DCP2: variants seen among roughly 807,000 people sequenced by gnomAD.
DCP2 encodes the protein decapping mRNA 2.
Under a neutral mutation model 56.1 loss-of-function variants are expected in DCP2, and 30 were observed. The observed-to-expected ratio is 0.53, with a 90% CI of 0.40 to 0.73. DCP2 has a LOEUF of 0.73. Ranked by LOEUF, DCP2 falls within the 30% of genes least tolerant of loss-of-function variation. The pLI, the probability that DCP2 is intolerant of heterozygous loss-of-function variation, is 0.00. For synonymous variants in DCP2, 197 were observed against 163.3 expected, an observed-to-expected ratio of 1.21 and a Z score of -1.57; for missense variants, 533 against 502.7, an observed-to-expected ratio of 1.06 and a Z score of -0.58.
At chr5:112,984,703 A>AAAAAAAAATATATATAT in intron 1 of DCP2, 1 of 64,858 alleles carries the variant, frequency 1.5e-5, no homozygotes, top group African/African-American at 7.9e-5. Flanking sequence ...AAAAAAAAAA[A>AAAAAAAAATATATATAT]ATATATATAT....
intron 8 of DCP2, among the ~76,000 whole-genome samples, chr5:113,006,803 C>T (rs888100751): frequency 5.3e-5 from 8 of 152,054 alleles, no homozygotes; most frequent in Non-Finnish European, 1.2e-4. Context: ...CAAACTATTG[C>T]ATGTCTAAGT....
At chr5:112,977,561 T>C (rs1431940854) in intron 1 of DCP2, among the ~76,000 whole-genome samples, 1 of 152,186 alleles carries the variant, frequency 6.6e-6, no homozygotes, top group Non-Finnish European at 1.5e-5. Flanking sequence ...CCTGGACTTG[T>C]CTTTGGGGGA....
At chr5:112,980,914 C>T (rs539235332) in intron 1 of DCP2, among the ~76,000 whole-genome samples, 7 of 152,026 alleles carry the variant, frequency 4.6e-5, no homozygotes, top group Admixed American at 2.6e-4. Context: ...GGTTCAATTT[C>T]GTAGATACTA....
chr5:112,987,747 T>A (rs186047098), intron 2 of DCP2, among the ~76,000 whole-genome samples: 2 of 151,628 alleles, frequency 1.3e-5, no homozygotes, highest in East Asian at 3.9e-4. Flanking sequence ...GTGCTGGGAT[T>A]ACAGGTATGA....
At chr5:112,987,803 T>C (rs921804303) in intron 2 of DCP2, among the ~76,000 whole-genome samples, 29 of 151,716 alleles carry the variant, frequency 1.9e-4, no homozygotes, top group African/African-American at 6.1e-4. Flanking sequence ...CTTTTTTTTT[T>C]CTCTCCTTTT....
At chr5:113,009,274 T>A (rs545082084) in intron 9 of DCP2, among the ~76,000 whole-genome samples, 2 of 152,372 alleles carry the variant, frequency 1.3e-5, no homozygotes, top group South Asian at 4.1e-4. Flanking sequence ...CTCACATTTG[T>A]CTAGAAGAAC....
chr5:113,010,321 C>T (rs539194509), intron 9 of DCP2, among the ~76,000 whole-genome samples: 1 of 151,098 alleles, frequency 6.6e-6, no homozygotes, highest in Admixed American at 6.6e-5. Flanking sequence ...GCTGGGATTA[C>T]AGCTGTGAGC....
intron 7 of DCP2, among the ~76,000 whole-genome samples, chr5:113,003,714 A>AGT (rs1749285521): frequency 6.6e-6 from 1 of 152,194 alleles, no homozygotes; most frequent in Non-Finnish European, 1.5e-5. Flanking sequence ...AAAAAATAGT[A>AGT]GTGTATTAAT....
chr5:113,010,565 A>C (rs543025743), intron 9 of DCP2, among the ~76,000 whole-genome samples, 191 bp from the exon 10 acceptor site: 1 of 152,302 alleles, frequency 6.6e-6, no homozygotes, highest in East Asian at 1.9e-4. Context: ...AAGAACTAAA[A>C]AAAATTTTAG....
chr5:112,978,857 A>G lies in DCP2; in HGVS notation c.53+1871A>G, dbSNP rs1747857863. On this transcript the variant is annotated intron_variant, in intron 1 of 10. Coordinates refer to ENST00000389063, the MANE Select transcript of DCP2 (RefSeq NM_152624.6). ...TTGAAGATAAGTATTTAGAAAGGTGATCAGTAATTAGCTGTGTGTTAATAG... is the reference window on the plus strand; with the variant it reads ...TTGAAGATAAGTATTTAGAAAGGTGGTCAGTAATTAGCTGTGTGTTAATAG... Among the ~76,000 whole-genome samples the G allele has an allele frequency of 1.3e-5, 2 of 152,228 alleles. 1 individual carries two copies. Among genetic ancestry groups the G allele is most frequent in the African/African-American group, 4.8e-5 (2 of 41,464 alleles).
At position 113,018,059 on chromosome 5, in the gene DCP2, C is replaced by T. The variant is rs908494534; in HGVS notation, c.*4575C>T. The T allele has an allele frequency of 6.6e-6, 1 of 152,210 alleles. No individual in the cohort carries two copies. Among genetic ancestry groups the T allele is most frequent in the Non-Finnish European group, 1.5e-5 (1 of 68,046 alleles). 9.4% of individuals were successfully genotyped at this position (152,210 alleles called of 1,614,324 possible). On this transcript the variant is annotated 3_prime_UTR_variant, in exon 11 of 11. Coordinates refer to ENST00000389063, the MANE Select transcript of DCP2 (RefSeq NM_152624.6). ...TTACAGGAAGACAACTCAGAACACACAGCCATAATCTGCTTTGGTGTCAGT... is the reference window on the plus strand; with the variant it reads ...TTACAGGAAGACAACTCAGAACACATAGCCATAATCTGCTTTGGTGTCAGT...
intron 1 of DCP2, among the ~76,000 whole-genome samples, chr5:112,982,725 A>G (rs886376670): frequency 2.6e-5 from 4 of 152,200 alleles, no homozygotes; most frequent in Non-Finnish European, 4.4e-5. Context: ...TGAAAAAGGA[A>G]TACTCTTTTA....
At chr5:112,997,893 G>A (rs982731100) in intron 4 of DCP2, among the ~76,000 whole-genome samples, 2 of 152,092 alleles carry the variant, frequency 1.3e-5, no homozygotes, top group African/African-American at 4.8e-5. Flanking sequence ...GATTACAGGT[G>A]TGAGCCACCG....
At chr5:113,006,264 C>G (rs1313879300) in intron 8 of DCP2, among the ~76,000 whole-genome samples, 3 of 151,906 alleles carry the variant, frequency 2.0e-5, no homozygotes, top group African/African-American at 7.3e-5. Context: ...TTCATAGAGA[C>G]ACAAAGTAGA....
chr5:112,989,038 G>A (rs1271458895), intron 2 of DCP2, among the ~76,000 whole-genome samples: 1 of 152,222 alleles, frequency 6.6e-6, no homozygotes, highest in Non-Finnish European at 1.5e-5. Flanking sequence ...ACTTCATTAA[G>A]TAACTTCATG....
Position 113,001,079 on chromosome 5 carries a change from T to G in DCP2, c.433-5T>G. Reference sequence around the variant, plus strand: ...GAAAATTTCATCCAAATTTGTTGTTTCCAGGTCTTTGAAGAAACTGGTTTT... The same window carrying G: ...GAAAATTTCATCCAAATTTGTTGTTGCCAGGTCTTTGAAGAAACTGGTTTT... On this transcript the variant is annotated splice_region_variant and splice_polypyrimidine_tract_variant and intron_variant, in intron 4 of 10. Transcript: ENST00000389063. The G allele has an allele frequency of 6.3e-7, 1 of 1,591,330 alleles. No homozygotes were observed. The highest frequency in any genetic ancestry group is 1.2e-5 in the South Asian group (1 of 86,416).
chr5:112,993,234 C>T (rs570597283), intron 4 of DCP2, among the ~76,000 whole-genome samples: 1 of 152,188 alleles, frequency 6.6e-6, no homozygotes, highest in South Asian at 2.1e-4. Flanking sequence ...AACTCTGTCC[C>T]CTCTCCCCCA....
rs767539577 is a variant in DCP2, at chr5:113,001,095, A to G, written c.444A>G (p.Glu148=). 8 of 1,600,684 alleles carry G rather than the reference A, an allele frequency of 5.0e-6. No homozygotes were observed. Among genetic ancestry groups the G allele is most frequent in the Non-Finnish European group, 8.5e-7 (1 of 1,174,792 alleles). Residue 148 remains glutamate (E), a synonymous_variant, in exon 5 of 11, where the codon GAA becomes GAG. Transcript: ENST00000389063. ...HDCAAREVFE[E]TGFDIKDYIC... ...TTTGTTGTTTCCAGGTCTTTGAAGA[A>G]ACTGGTTTTGATATCAAAGACTATA...
chr5:113,002,792 A>G (rs1282577049), intron 7 of DCP2, among the ~76,000 whole-genome samples: 2 of 152,180 alleles, frequency 1.3e-5, no homozygotes, highest in Admixed American at 6.5e-5. Flanking sequence ...CAAAGTTTTG[A>G]GATTACGGGC....
Sources: allele counts gnomAD v4.1 joint callset (sites outside exome capture counted in the v4.1 genomes callset), GRCh38; gene constraint gnomAD v4.1.1; transcripts MANE v1.5; gene names NCBI Gene and HGNC (gene_info 2026-07-23, HGNC 2026-07-21).